The following SRCIN1 variants were observed in gnomAD, a reference collection of about 807,000 sequenced individuals.
The protein encoded by SRCIN1 is SRC kinase signaling inhibitor 1.
In SRCIN1, 50 loss-of-function variants were observed where a neutral mutation model predicts 116.2. That is an observed-to-expected ratio of 0.43 (90% CI 0.34 to 0.54). The LOEUF (loss-of-function observed/expected upper bound fraction) is 0.54. Ranked by LOEUF, SRCIN1 falls within the 20% of genes least tolerant of loss-of-function variation. The pLI is 0.02. For synonymous variants in SRCIN1, 736 were observed against 750.0 expected, an observed-to-expected ratio of 0.98 and a Z score of 0.30; for missense variants, 1,446 against 1,672.0, an observed-to-expected ratio of 0.86 and a Z score of 2.36.
At chr17:38,564,558 G>A (rs1430795924) in intron 3 of SRCIN1, among the ~76,000 whole-genome samples, 6 of 152,140 alleles carry the variant, frequency 3.9e-5, no homozygotes, top group Non-Finnish European at 7.4e-5. Flanking sequence ...GGCACCCTGG[G>A]AAGCCAGACA....
Position 38,602,935 on chromosome 17 carries a change from C to A in SRCIN1, c.22+2749G>T, listed in dbSNP as rs1909138356. Among the ~76,000 whole-genome samples, 1 of 152,172 alleles carries A rather than the reference C, an allele frequency of 6.6e-6. No homozygotes were observed. The highest frequency in any genetic ancestry group is 1.5e-5 in the Non-Finnish European group (1 of 68,034). On this transcript the variant is annotated intron_variant, in intron 1 of 18. Transcript: ENST00000617146. The surrounding 1 kb of genome is among the most constrained non-coding windows in gnomAD (Gnocchi z 4.2). ...TCTCCCTTCTTTCCCCAAAACCTAACCTGGGGTGGGGGTGGGGGCTCAACA... is the reference window on the plus strand; with the variant it reads ...TCTCCCTTCTTTCCCCAAAACCTAAACTGGGGTGGGGGTGGGGGCTCAACA...
At chr17:38,546,335 AG>A (rs1300818832) in intron 17 of SRCIN1, 2 of 152,498 alleles carry the variant, frequency 1.3e-5, no homozygotes, top group Admixed American at 6.5e-5. Flanking sequence ...ATTTGAACCC[AG>A]GTAGTCTGAC....
In SRCIN1 at chr17:38,552,349, T is replaced by C; in HGVS notation, c.2480+98A>G. The C allele has an allele frequency of 6.7e-7, 1 of 1,481,760 alleles. No homozygotes were observed. Among genetic ancestry groups the C allele is most frequent in the Non-Finnish European group, 9.0e-7 (1 of 1,114,650 alleles). The allele number at this position is 1,481,760 out of a possible 1,614,324, so 91.8% of individuals were successfully genotyped here. On this transcript the variant is annotated intron_variant, in intron 13 of 18. Transcript: ENST00000617146. The surrounding 1 kb of genome is among the most constrained non-coding windows in gnomAD (Gnocchi z 5.3). ...GGTGCCAGTCCAGTCGGCACGCCAG[T>C]GACCTTTGGGGGAGTTGGGGTAAGG...
chr17:38,569,660 AAAAC>A (rs919211449), intron 2 of SRCIN1, among the ~76,000 whole-genome samples: 36 of 152,186 alleles, frequency 2.4e-4, no homozygotes, highest in South Asian at 4.1e-4. Context: ...TTCACGCTAG[AAAAC>A]AAACAAACAA....
chr17:38,544,042 G>T lies in SRCIN1; in HGVS notation c.3271-73C>A. On this transcript the variant is annotated intron_variant, in intron 17 of 18. Transcript: ENST00000617146. The surrounding 1 kb of genome is among the most constrained non-coding windows in gnomAD (Gnocchi z 4.5). ...AATCACACAGGAACCCTAGCACTGGGTGGGGTCTCGGGGCTGGGACCTCCT... is the reference window on the plus strand; with the variant it reads ...AATCACACAGGAACCCTAGCACTGGTTGGGGTCTCGGGGCTGGGACCTCCT... The T allele has an allele frequency of 6.7e-7, 1 of 1,482,614 alleles. No homozygotes were observed. The highest frequency in any genetic ancestry group is 9.0e-7 in the Non-Finnish European group (1 of 1,113,812). The allele number at this position is 1,482,614 out of a possible 1,614,324, so 91.8% of individuals were successfully genotyped here.
chr17:38,553,738 C>A (rs1045873753), intron 11 of SRCIN1, among the ~76,000 whole-genome samples: 3 of 152,136 alleles, frequency 2.0e-5, no homozygotes, highest in African/African-American at 7.2e-5. Flanking sequence ...CATCCTGAGG[C>A]CTAACATCCA....
In SRCIN1 at chr17:38,604,912, C is replaced by G. The variant is rs1909277037; in HGVS notation, c.22+772G>C. Among the ~76,000 whole-genome samples, 1 of 151,858 alleles carries G rather than the reference C, an allele frequency of 6.6e-6. No individual in the cohort carries two copies. The highest frequency in any genetic ancestry group is 2.4e-5 in the African/African-American group (1 of 41,328). On this transcript the variant is annotated intron_variant, in intron 1 of 18. Transcript: ENST00000617146. This position sits in a 1 kb window ranked among gnomAD's most constrained non-coding sequence, Gnocchi z 4.3. ...GGGGCGCCCTCCCCTGCCCCCTGGCCTCTGCAGGGGGAGGGGTTAAGATCA... is the reference window on the plus strand; with the variant it reads ...GGGGCGCCCTCCCCTGCCCCCTGGCGTCTGCAGGGGGAGGGGTTAAGATCA...
chr17:38,540,471 A>T (rs1309314737), intron 18 of SRCIN1, among the ~76,000 whole-genome samples: 1 of 141,244 alleles, frequency 7.1e-6, no homozygotes, highest in Non-Finnish European at 1.5e-5. Flanking sequence ...TGTACCTGGC[A>T]TTATGTGAGC....
intron 1 of SRCIN1, among the ~76,000 whole-genome samples, chr17:38,584,221 G>A (rs1261570785): frequency 6.6e-6 from 1 of 152,222 alleles, no homozygotes; most frequent in Non-Finnish European, 1.5e-5. Flanking sequence ...TACCCTGGTG[G>A]AGGGGCGTTG....
Position 38,578,711 on chromosome 17 carries a change from CCCCGCCCCCCAGGGTCCGGTA to C in SRCIN1, c.82_102del (p.Tyr28_Gly34del). On this transcript the variant is annotated inframe_deletion, in exon 2 of 19. Coordinates refer to ENST00000617146, the MANE Select transcript of SRCIN1 (RefSeq NM_025248.3). ...CGCCGGCCCCCGCTGCCCCCGCCGCCCCCGCCCCCCAGGGTCCGGTACTCCCGCGGGTACTCCGCATCGTCC... is the reference window on the plus strand; with the variant it reads ...CGCCGGCCCCCGCTGCCCCCGCCGCCCTCCCGCGGGTACTCCGCATCGTCC... 1 of 1,536,036 alleles carries C rather than the reference CCCCGCCCCCCAGGGTCCGGTA, an allele frequency of 6.5e-7. No homozygotes were observed. The highest frequency in any genetic ancestry group is 2.0e-5 in the Admixed American group (1 of 50,834).
intron 2 of SRCIN1, among the ~76,000 whole-genome samples, chr17:38,576,168 C>T: frequency 6.6e-6 from 1 of 152,132 alleles, no homozygotes; most frequent in Non-Finnish European, 1.5e-5. Context: ...CAGCTGTTTT[C>T]ATCCTTTTCC....
At position 38,531,224 on chromosome 17, in the gene SRCIN1, G is replaced by A. The variant is rs1427570577; in HGVS notation, c.*2073C>T. On this transcript the variant is annotated 3_prime_UTR_variant, in exon 19 of 19. Coordinates refer to ENST00000617146, the MANE Select transcript of SRCIN1 (RefSeq NM_025248.3). ...AGCAAGCAGAGAGTAATGGAGTGGA[G>A]GGAGGAGGGGGCACCACTCCCCCCT... The A allele has an allele frequency of 6.6e-6, 1 of 151,846 alleles. No individual in the cohort carries two copies. The highest frequency in any genetic ancestry group is 1.5e-5 in the Non-Finnish European group (1 of 67,850). The allele number at this position is 151,846 out of a possible 1,614,324, so 9.4% of individuals were successfully genotyped here.
chr17:38,560,868 G>C (rs1906190183), intron 7 of SRCIN1, among the ~76,000 whole-genome samples: 1 of 152,212 alleles, frequency 6.6e-6, no homozygotes, highest in South Asian at 2.1e-4. Context: ...CGTAAGAGCT[G>C]TGTGAAGGCC....
At chr17:38,537,605 C>G (rs1904468059) in intron 18 of SRCIN1, among the ~76,000 whole-genome samples, 1 of 151,894 alleles carries the variant, frequency 6.6e-6, no homozygotes, top group Admixed American at 6.6e-5. Context: ...TCCTGGCTAA[C>G]AGGGTGAAAC....
At chr17:38,565,155 G>T (rs566337798) in intron 3 of SRCIN1, among the ~76,000 whole-genome samples, 10 of 152,286 alleles carry the variant, frequency 6.6e-5, no homozygotes, top group African/African-American at 2.4e-4. Context: ...TCTCCGTGGG[G>T]GAGGGGGAGT....
chr17:38,599,928 T>A (rs72823882), intron 1 of SRCIN1, among the ~76,000 whole-genome samples: 28 of 152,344 alleles, frequency 1.8e-4, no homozygotes, highest in Non-Finnish European at 3.5e-4. Flanking sequence ...TAAGGATTAT[T>A]ATCTTCTCTG....
At chr17:38,566,837 C>T (rs78080851) in intron 3 of SRCIN1, among the ~76,000 whole-genome samples, 1 of 136,450 alleles carries the variant, frequency 7.3e-6, no homozygotes, top group Admixed American at 7.1e-5. Flanking sequence ...TGCATCCTCT[C>T]GTGTTTTGTT....
At chr17:38,592,717 T>C (rs536256695) in intron 1 of SRCIN1, among the ~76,000 whole-genome samples, 50 of 152,286 alleles carry the variant, frequency 3.3e-4, no homozygotes, top group African/African-American at 4.8e-4. Flanking sequence ...CAACAAACAA[T>C]TCATACACAG....
rs201774879 is a variant in SRCIN1 at position 38,563,309 on chromosome 17, C to T, written c.740+14G>A. 586 of 1,563,494 alleles carry T rather than the reference C, an allele frequency of 3.7e-4. 3 individuals carry two copies. The Middle Eastern group carries it at 8.5e-3, about 23-fold the overall frequency. ...TGGGGAAGCCCACCCAAATCCCCCC[C>T]GGTCCACGCCCACCGGACGTCCTCC... On this transcript the variant is annotated intron_variant, in intron 5 of 18. Coordinates refer to ENST00000617146, the MANE Select transcript of SRCIN1 (RefSeq NM_025248.3). The surrounding 1 kb of genome is among the most constrained non-coding windows in gnomAD (Gnocchi z 5.8).
Sources: gnomAD v4.1 joint callset for allele counts (sites outside exome capture counted in the v4.1 genomes callset) on GRCh38, gnomAD v4.1.1 for gene constraint, Gnocchi (gnomAD v3.1) non-coding constraint, MANE v1.5 for transcripts, NCBI Gene and HGNC (gene_info 2026-07-23, HGNC 2026-07-21) for gene names.